The following CDH13 variants were observed in gnomAD, a reference collection of about 807,000 sequenced individuals.
The protein encoded by CDH13 is cadherin-13.
CDH13 carries 24 observed loss-of-function variants against 63.8 expected under a neutral mutation model. That is an observed-to-expected ratio of 0.38 (90% CI 0.27 to 0.53). The LOEUF (loss-of-function observed/expected upper bound fraction) is 0.53. Ranked by LOEUF, CDH13 falls within the 20% of genes least tolerant of loss-of-function variation. The pLI is 0.85. For missense variants in CDH13, 1,049 were observed against 903.1 expected (o/e 1.16, Z -2.07); for synonymous variants, 503 against 355.3 (o/e 1.42, Z -4.67).
At chr16:83,048,425 C>G (rs767374650) in intron 3 of CDH13, among the ~76,000 whole-genome samples, 1 of 152,166 alleles carries the variant, frequency 6.6e-6, no homozygotes, top group African/African-American at 2.4e-5. Context: ...TGTGCCAACT[C>G]CCTCTCTGCA....
intron 7 of CDH13, among the ~76,000 whole-genome samples, chr16:83,512,685 T>TAATA (rs377118035): frequency 6.8e-6 from 1 of 146,482 alleles, no homozygotes; most frequent in African/African-American, 2.5e-5. Flanking sequence ...ATAATAATAA[T>TAATA]ATAATAATAA....
chr16:83,213,400 A>G (rs2039394427), intron 4 of CDH13, among the ~76,000 whole-genome samples: 2 of 152,122 alleles, frequency 1.3e-5, no homozygotes, highest in Non-Finnish European at 2.9e-5. Context: ...TTGTCCCAAG[A>G]GGCCCATTCC....
intron 1 of CDH13, among the ~76,000 whole-genome samples, chr16:82,832,629 T>C (rs2038594449): frequency 6.6e-6 from 1 of 152,164 alleles, no homozygotes; most frequent in African/African-American, 2.4e-5. Flanking sequence ...TCTTAAACAT[T>C]CTTTTCAACT....
At position 82,849,117 on chromosome 16, in the gene CDH13, C is replaced by G. The variant is rs142494838; in HGVS notation, c.46-9245C>G. On this transcript the variant is annotated intron_variant, in intron 1 of 13. Coordinates refer to ENST00000567109, the MANE Select transcript of CDH13 (RefSeq NM_001257.5). The stretch of plus-strand genomic sequence containing the variant: ...TTAACTCTATTCAATTTTCTGAAGG[C>G]TGAGAGGTGAAGAAGCTGCAGGAGA... Among the ~76,000 whole-genome samples the G allele has an allele frequency of 3.0e-4, 45 of 152,252 alleles. No individual in the cohort carries two copies. The East Asian group carries it at 7.3e-3, about 25-fold the overall frequency.
intron 1 of CDH13, among the ~76,000 whole-genome samples, chr16:82,743,737 T>TG (rs2034038795): frequency 2.6e-5 from 4 of 152,206 alleles, no homozygotes; most frequent in Non-Finnish European, 5.9e-5. Flanking sequence ...ACTGTTAATG[T>TG]TTTCTCACAT....
At chr16:83,486,762 C>T (rs1446497722) in intron 7 of CDH13, 107 bp downstream of exon 7, 1 of 977,014 alleles carries the variant, frequency 1.0e-6, no homozygotes, top group Non-Finnish European at 1.6e-6. Flanking sequence ...ACTGTAAAGG[C>T]AGAAATGAGG....
chr16:83,586,685 C>T (rs946341961), intron 7 of CDH13, among the ~76,000 whole-genome samples: 2 of 152,086 alleles, frequency 1.3e-5, no homozygotes, highest in Non-Finnish European at 2.9e-5. Context: ...GGGAGCAGGT[C>T]AGGGCAGTCT....
At chr16:82,955,842 C>G (rs1906007089) in intron 2 of CDH13, among the ~76,000 whole-genome samples, 7 of 152,216 alleles carry the variant, frequency 4.6e-5, no homozygotes. Flanking sequence ...TGGAAAACCT[C>G]TTCTCCAGGA....
rs551153048 is a variant in CDH13 at position 83,414,821 on chromosome 16, A to G, written c.781+69815A>G. 3.3e-5 allele frequency among the ~76,000 whole-genome samples: 5 copies of G among 152,284 alleles called. No homozygotes were observed. In the South Asian group the frequency reaches 6.2e-4, roughly 19 times the overall value. On this transcript the variant is annotated intron_variant, in intron 6 of 13. Transcript: ENST00000567109. ...TATTTATCCACTCATCCATCACTGA[A>G]CATTTAGGTTGTTTGTACCTCTTGT... is the stretch of plus-strand genomic sequence containing the variant.
chr16:83,361,694 C>A (rs2091165645), intron 6 of CDH13, among the ~76,000 whole-genome samples: 1 of 152,090 alleles, frequency 6.6e-6, no homozygotes, highest in Non-Finnish European at 1.5e-5. Context: ...GTCCTTTTCC[C>A]ATTGCTTATT....
intron 2 of CDH13, among the ~76,000 whole-genome samples, chr16:82,928,765 C>T (rs2042386147): frequency 6.6e-6 from 1 of 152,162 alleles, no homozygotes. Context: ...AGAGCTTACA[C>T]TTTTTATTAT....
At chr16:83,252,406 TG>T (rs1905687816) in intron 5 of CDH13, among the ~76,000 whole-genome samples, 3 of 152,058 alleles carry the variant, frequency 2.0e-5, no homozygotes, top group Admixed American at 2.0e-4. Flanking sequence ...TGAATGCAAA[TG>T]GGGAAAATAA....
At chr16:83,324,747 C>G (rs2090321698) in intron 5 of CDH13, among the ~76,000 whole-genome samples, 1 of 152,204 alleles carries the variant, frequency 6.6e-6, no homozygotes, top group African/African-American at 2.4e-5. Flanking sequence ...GTTTTTATTT[C>G]TCTTGGCTAT....
chr16:83,712,385 G>C (rs1908198132), intron 10 of CDH13, among the ~76,000 whole-genome samples: 1 of 152,162 alleles, frequency 6.6e-6, no homozygotes. Context: ...TTGAAAACAG[G>C]ATCTTTGCCC....
intron 2 of CDH13, among the ~76,000 whole-genome samples, chr16:82,965,959 G>A (rs1275168718): frequency 1.3e-5 from 2 of 152,154 alleles, no homozygotes; most frequent in Non-Finnish European, 2.9e-5. Flanking sequence ...TAAAGCCTGA[G>A]TAATTCAGGG....
Position 82,761,017 on chromosome 16 carries a change from C to CTTTTTTTTTTTTTTTTTTTTTTTTTTTT in CDH13, c.46-97343_46-97316dup, listed in dbSNP as rs35038319. 8.6e-4 allele frequency among the ~76,000 whole-genome samples: 35 copies of CTTTTTTTTTTTTTTTTTTTTTTTTTTTT among 40,486 alleles called. 8 individuals carry two copies. The highest frequency in any genetic ancestry group is 1.4e-3 in the African/African-American group (16 of 11,230). The allele number at this position is 40,486 out of a possible 152,430, so 26.6% of individuals were successfully genotyped here. A position where few individuals can be genotyped will look rare whatever the true frequency, so the allele number is the denominator to read the frequency against. On this transcript the variant is annotated intron_variant, in intron 1 of 13. Transcript: ENST00000567109. ...CTCTGGGGTTCACATTTCTTTCTTT[C>CTTTTTTTTTTTTTTTTTTTTTTTTTTTT]TTTTTTTTTTTTTTTTTTTTTTTTT...
At chr16:82,833,742 C>G (rs1780990716) in intron 1 of CDH13, among the ~76,000 whole-genome samples, 1 of 152,188 alleles carries the variant, frequency 6.6e-6, no homozygotes, top group African/African-American at 2.4e-5. Context: ...ACACTTAAGC[C>G]AGAACTGGGG....
At chr16:83,074,448 C>T (rs948902432) in intron 3 of CDH13, among the ~76,000 whole-genome samples, 3 of 152,190 alleles carry the variant, frequency 2.0e-5, no homozygotes, top group Admixed American at 2.0e-4. Context: ...GATAGTGCTA[C>T]AATAAACATT....
chr16:83,553,539 T>C (rs546150871), intron 7 of CDH13, among the ~76,000 whole-genome samples: 2 of 152,240 alleles, frequency 1.3e-5, no homozygotes, highest in African/African-American at 4.8e-5. Context: ...GGAATCAAAG[T>C]GATGGGTTTT....
Sources: gnomAD v4.1 joint callset for allele counts (sites outside exome capture counted in the v4.1 genomes callset) on GRCh38, gnomAD v4.1.1 for gene constraint, MANE v1.5 for transcripts, NCBI Gene and HGNC (gene_info 2026-07-23, HGNC 2026-07-21) for gene names.